Variants in TRRAP observed in about 807,000 individuals in gnomAD.
TRRAP encodes transformation/transcription domain associated protein, also known as transformation/transcription domain-associated protein.
Under a neutral mutation model 438.8 loss-of-function variants are expected in TRRAP, and 41 were observed. The ratio of observed to expected loss-of-function variants is 0.09; its 90% CI spans 0.07 to 0.12. The LOEUF is 0.12. TRRAP is among the 10% of genes least tolerant of loss of function. The pLI is 1.00. For missense variants in TRRAP, 3,122 were observed against 5,055.1 expected, an observed-to-expected ratio of 0.62 and a Z score of 11.60; for synonymous variants, 1,994 against 1,962.9, an observed-to-expected ratio of 1.02 and a Z score of -0.42.
At chr7:98,957,272 T>C (rs1291974418) in intron 43 of TRRAP, among the ~76,000 whole-genome samples, 4 of 152,190 alleles carry the variant, frequency 2.6e-5, no homozygotes, top group Non-Finnish European at 5.9e-5. Flanking sequence ...TGTTCTCTCT[T>C]TCGCTGTTCC....
At chr7:98,932,393 A>G (rs1230957086) in intron 26 of TRRAP, among the ~76,000 whole-genome samples, 1 of 152,184 alleles carries the variant, frequency 6.6e-6, no homozygotes, top group Non-Finnish European at 1.5e-5. Flanking sequence ...GATTACAGGC[A>G]TGAGCCACTG....
At position 99,005,032 on chromosome 7, in the gene TRRAP, C is replaced by G. The variant is rs1262479176; in HGVS notation, c.10536-99C>G. The G allele has an allele frequency of 5.7e-6, 7 of 1,234,726 alleles. No individual in the cohort carries two copies. The East Asian group carries it at 1.6e-4, about 29-fold the overall frequency. 76.5% of individuals were successfully genotyped at this position (1,234,726 alleles called of 1,614,324 possible). A position where few individuals can be genotyped will look rare whatever the true frequency, so the allele number is the denominator to read the frequency against. ...TAAACGACCGCTGGCCTACACAGTC[C>G]GTTTTCCCGTGACAGTTCGGACATT... On this transcript the variant is annotated intron_variant, in intron 68 of 72. Coordinates refer to ENST00000456197, the MANE Select transcript of TRRAP (RefSeq NM_001375524.1). This position sits in a 1 kb window ranked among gnomAD's most constrained non-coding sequence, Gnocchi z 5.1.
intron 63 of TRRAP, 132 bp from the exon 64 acceptor site, chr7:98,990,323 C>T: frequency 2.4e-6 from 2 of 822,300 alleles, no homozygotes; most frequent in Non-Finnish European, 3.7e-6. Flanking sequence ...ATAATGTTGG[C>T]CTGCTTATAG....
At chr7:98,894,859 C>G (rs1237099221) in intron 6 of TRRAP, among the ~76,000 whole-genome samples, 3 of 140,162 alleles carry the variant, frequency 2.1e-5, no homozygotes, top group African/African-American at 8.2e-5. Context: ...TGGTCTGTAA[C>G]TCCTGACCTC....
intron 53 of TRRAP, among the ~76,000 whole-genome samples, chr7:98,974,507 A>G (rs570705768): frequency 4.6e-4 from 70 of 152,260 alleles, no homozygotes; most frequent in African/African-American, 1.5e-3. Flanking sequence ...CTGTGGGGCC[A>G]CCACGGGGTC....
chr7:99,008,316 G>T, intron 69 of TRRAP, 61 bp from the exon 70 acceptor site: 2 of 1,541,398 alleles, frequency 1.3e-6, no homozygotes, highest in South Asian at 1.2e-5. Context: ...TCTGACGGTG[G>T]AGCTGAGCAC....
At chr7:98,932,820 C>T (rs1216200182) in intron 26 of TRRAP, among the ~76,000 whole-genome samples, 2 of 152,008 alleles carry the variant, frequency 1.3e-5, no homozygotes, top group African/African-American at 4.8e-5. Context: ...TTTCTCCTTG[C>T]TTGGTAGCAT....
chr7:98,916,237 T>C (rs1295175877), intron 19 of TRRAP, among the ~76,000 whole-genome samples: 7 of 152,172 alleles, frequency 4.6e-5, no homozygotes. Context: ...ATCCCTAGAC[T>C]GAAAGAGAAT....
intron 14 of TRRAP, among the ~76,000 whole-genome samples, chr7:98,909,504 C>CA (rs371560496): frequency 5.3e-5 from 8 of 152,308 alleles, no homozygotes; most frequent in Middle Eastern, 3.4e-3. Context: ...GGAGTTAAAT[C>CA]AGGCAGCGCT....
chr7:98,967,266 T>A, intron 50 of TRRAP, 104 bp downstream of exon 50: 2 of 1,446,036 alleles, frequency 1.4e-6, no homozygotes, highest in South Asian at 1.3e-5. Flanking sequence ...CATACCTAAG[T>A]TTAAAATATT....
In TRRAP at chr7:98,977,089, C is replaced by T. The variant is rs1792694503; in HGVS notation, c.8385+13C>T. On this transcript the variant is annotated intron_variant, in intron 56 of 72. Coordinates refer to ENST00000456197, the MANE Select transcript of TRRAP (RefSeq NM_001375524.1). ...GTTCTTTGAGCAGGTAAACCTCAGA[C>T]CACTGACGGTCTTGGGTGTGTAATG... is the stretch of plus-strand genomic sequence containing the variant. 3 of 1,614,170 alleles carry T rather than the reference C, an allele frequency of 1.9e-6. No individual in the cohort carries two copies. In the East Asian group the frequency reaches 6.7e-5, roughly 36 times the overall value.
At chr7:98,912,364 C>T in intron 18 of TRRAP, 151 bp downstream of exon 18, 1 of 606,676 alleles carries the variant, frequency 1.6e-6, no homozygotes, top group Non-Finnish European at 2.6e-6. Flanking sequence ...ACTATAGGCA[C>T]TCACCACTGT....
chr7:98,937,924 C>T (rs1790627040), intron 30 of TRRAP, 104 bp downstream of exon 30: 1 of 1,314,504 alleles, frequency 7.6e-7, no homozygotes, highest in East Asian at 2.8e-5. Context: ...CCTGTAATCC[C>T]AGCACTTTGG....
In TRRAP at chr7:98,910,218, G is replaced by GCCCCCCC; in HGVS notation, c.1517_1518insCCCCCCC (p.Pro509ThrfsTer66). 13 of 1,377,612 alleles carry GCCCCCCC rather than the reference G, an allele frequency of 9.4e-6. No homozygotes were observed. The highest frequency in any genetic ancestry group is 3.4e-5 in the South Asian group (2 of 59,006). 85.3% of individuals were successfully genotyped at this position (1,377,612 alleles called of 1,614,324 possible). ...TGCTCCCTCCCCAGCCCCTGTCCCTGCCCCACCTCCACCCCCGCCCCCACC... is the reference window on the plus strand; with the variant it reads ...TGCTCCCTCCCCAGCCCCTGTCCCTGCCCCCCCCCCCACCTCCACCCCCGCCCCCACC... On this transcript the variant is annotated frameshift_variant, in exon 15 of 73. Coordinates refer to ENST00000456197, the MANE Select transcript of TRRAP (RefSeq NM_001375524.1). LOFTEE classifies it high-confidence loss of function.
rs782298664 is a variant in TRRAP at position 98,927,231 on chromosome 7, G to A, written c.3040G>A (p.Ala1014Thr). ...TCGCTACAAAGCCCAGGACACTCCA[G>A]CCCGGAAGACTTTTGAGCAGGCCCT... is the stretch of plus-strand genomic sequence containing the variant. ...SHRYKAQDTP[A>T]RKTFEQALTG... The change falls in exon 23 of 73, where the codon GCC (alanine) becomes ACC (threonine). Residue 1014 changes from alanine (A) to threonine (T), a missense_variant. This residue lies in a region of TRRAP where 133 missense variants were observed against 188.6 expected (regional missense o/e 0.71). Transcript: ENST00000456197. 3.1e-6 allele frequency: 5 copies of A among 1,614,078 alleles called. No homozygotes were observed. The African/African-American group carries it at 4.0e-5, about 13-fold the overall frequency.
At chr7:98,993,465 G>T in intron 65 of TRRAP, 73 bp from the exon 66 acceptor site, 1 of 1,516,022 alleles carries the variant, frequency 6.6e-7, no homozygotes, top group Admixed American at 1.8e-5. Context: ...TTGGCCCATG[G>T]GTCCTGCAGC....
intron 13 of TRRAP, among the ~76,000 whole-genome samples, chr7:98,907,493 T>C (rs567215132): frequency 5.3e-5 from 8 of 152,352 alleles, no homozygotes; most frequent in South Asian, 4.1e-4. Flanking sequence ...GATGCAGTTT[T>C]CTCACTGTTT....
chr7:98,950,331 CT>C, intron 38 of TRRAP, 69 bp downstream of exon 38: 1 of 1,556,814 alleles, frequency 6.4e-7, no homozygotes, highest in Non-Finnish European at 8.7e-7. Flanking sequence ...ACTTTGGGCC[CT>C]TTTCTTTTTT....
chr7:98,968,240 A>G (rs754128798), intron 51 of TRRAP, among the ~76,000 whole-genome samples: 5 of 152,088 alleles, frequency 3.3e-5, no homozygotes, highest in African/African-American at 4.8e-5. Context: ...GCTGGTCACA[A>G]ACTCCCAAGC....
Sources: allele counts gnomAD v4.1 joint callset (sites outside exome capture counted in the v4.1 genomes callset), GRCh38; gene constraint gnomAD v4.1.1; regional missense constraint gnomAD v4.1.1; non-coding constraint Gnocchi (gnomAD v3.1); transcripts MANE v1.5; gene names NCBI Gene and HGNC (gene_info 2026-07-23, HGNC 2026-07-21).